The following C7 variants were observed in gnomAD, a reference collection of about 807,000 sequenced individuals.
C7 encodes the protein complement component C7.
In C7, 83 loss-of-function variants were observed where a neutral mutation model predicts 104.8. The observed-to-expected ratio is 0.79, with a 90% CI of 0.66 to 0.95. The LOEUF is 0.95. Ranked by LOEUF, C7 falls within the 40% of genes least tolerant of loss-of-function variation. C7 has a pLI of 0.00. For missense variants in C7, 1,070 were observed against 1,011.2 expected (o/e 1.06, Z -0.79); for synonymous variants, 415 against 360.6 (o/e 1.15, Z -1.71).
chr5:40,937,030 G>C (rs188920611), intron 5 of C7, among the ~76,000 whole-genome samples: 417 of 152,176 alleles, frequency 2.7e-3, no homozygotes, highest in Admixed American at 4.2e-3. Context: ...CATATGACTT[G>C]TTAAGGTTTC....
At chr5:40,951,533 G>A (rs867694156) in intron 9 of C7, among the ~76,000 whole-genome samples, 2 of 152,184 alleles carry the variant, frequency 1.3e-5, no homozygotes, top group African/African-American at 2.4e-5. Flanking sequence ...CTACCTGGGT[G>A]TTGGGATCAA....
chr5:40,919,165 C>T (rs1478314050), intron 1 of C7, among the ~76,000 whole-genome samples: 4 of 151,202 alleles, frequency 2.6e-5, no homozygotes, highest in Non-Finnish European at 5.9e-5. Context: ...GCTCTGTCAC[C>T]CAGCCTGTAG....
rs144084826 is a variant in C7, at chr5:40,962,651, C to A, written c.1749+479C>A. 4.4e-3 allele frequency among the ~76,000 whole-genome samples: 671 copies of A among 152,296 alleles called. 2 individuals carry two copies. Among genetic ancestry groups the A allele is most frequent in the Non-Finnish European group, 5.5e-3 (375 of 68,032 alleles). ...GATCATTCTACTTTGAGCAATTGAACCTTCCTGTTCAGGAAAGAAGAGTAG... is the reference window on the plus strand; with the variant it reads ...GATCATTCTACTTTGAGCAATTGAAACTTCCTGTTCAGGAAAGAAGAGTAG... On this transcript the variant is annotated intron_variant, in intron 13 of 17. Coordinates refer to ENST00000313164, the MANE Select transcript of C7 (RefSeq NM_000587.4).
chr5:40,947,552 C>T (rs1372022165), intron 7 of C7, 50 bp from the exon 8 acceptor site: 2 of 1,596,984 alleles, frequency 1.3e-6, no homozygotes, highest in Non-Finnish European at 1.7e-6. Context: ...ATTTCCATTG[C>T]CTTTTTATCT....
chr5:40,982,841 A>G lies in C7; in HGVS notation c.*1268A>G, dbSNP rs1740979935. On this transcript the variant is annotated 3_prime_UTR_variant, in exon 18 of 18. Coordinates refer to ENST00000313164, the MANE Select transcript of C7 (RefSeq NM_000587.4). Reference sequence around the variant, plus strand: ...TGAAATTTAAAATAAGCTATATTATACAAATACTATCTCTGTATTGTTCTG... The same window carrying G: ...TGAAATTTAAAATAAGCTATATTATGCAAATACTATCTCTGTATTGTTCTG... 1 of 152,376 alleles carries G rather than the reference A, an allele frequency of 6.6e-6. No individual in the cohort carries two copies. The highest frequency in any genetic ancestry group is 6.5e-5 in the Admixed American group (1 of 15,282). 9.4% of individuals were successfully genotyped at this position (152,376 alleles called of 1,614,324 possible).
In C7 at chr5:40,915,789, A is replaced by G. The variant is rs895186700; in HGVS notation, c.6+6173A>G. Among the ~76,000 whole-genome samples the G allele has an allele frequency of 9.8e-5, 15 of 152,304 alleles. 2 individuals carry two copies. In the South Asian group the frequency reaches 1.7e-3, roughly 17 times the overall value. ...AGGCTTAAACATTTTTAGAACTCTA[A>G]CAGCCAGAAGCAGGCAGGCAGAATT... On this transcript the variant is annotated intron_variant, in intron 1 of 17. Transcript: ENST00000313164.
At chr5:40,916,742 T>C (rs916743499) in intron 1 of C7, among the ~76,000 whole-genome samples, 7 of 152,286 alleles carry the variant, frequency 4.6e-5, no homozygotes, top group Admixed American at 3.9e-4. Context: ...ATCTTTGTAA[T>C]TTATTTCTTT....
rs1170638876 is a variant in C7, at chr5:40,951,142, T to C, written c.1093+1128T>C. Among the ~76,000 whole-genome samples the C allele has an allele frequency of 7.9e-5, 12 of 152,302 alleles. No individual in the cohort carries two copies. The East Asian group carries it at 2.3e-3, about 29-fold the overall frequency. ...AAGATAAGGACCAAAAAATGTTCACTGGATTTGGTGATTAAGACTTAGTTG... is the reference window on the plus strand; with the variant it reads ...AAGATAAGGACCAAAAAATGTTCACCGGATTTGGTGATTAAGACTTAGTTG... On this transcript the variant is annotated intron_variant, in intron 9 of 17. Coordinates refer to ENST00000313164, the MANE Select transcript of C7 (RefSeq NM_000587.4).
intron 1 of C7, among the ~76,000 whole-genome samples, chr5:40,914,779 A>G (rs567173692): frequency 6.6e-6 from 1 of 152,368 alleles, no homozygotes; most frequent in South Asian, 2.1e-4. Context: ...AAGATTGTGC[A>G]TCGGAGATAT....
At chr5:40,961,327 T>C (rs1740415177) in intron 12 of C7, among the ~76,000 whole-genome samples, 1 of 152,290 alleles carries the variant, frequency 6.6e-6, no homozygotes, top group Admixed American at 6.5e-5. Flanking sequence ...AAATGCTTAG[T>C]AAAAGGTAGT....
intron 1 of C7, among the ~76,000 whole-genome samples, chr5:40,918,888 C>T (rs1170211350): frequency 6.7e-6 from 1 of 148,628 alleles, no homozygotes; most frequent in African/African-American, 2.5e-5. Flanking sequence ...GAAAGATAAT[C>T]CAGAAAATTA....
At chr5:40,950,121 C>T in intron 9 of C7, 107 bp downstream of exon 9, 1 of 645,852 alleles carries the variant, frequency 1.5e-6, no homozygotes, top group Non-Finnish European at 2.7e-6. Flanking sequence ...TGTCATGGGG[C>T]TTTGTTGTAC....
chr5:40,953,525 C>T (rs1740221931), intron 9 of C7, among the ~76,000 whole-genome samples: 1 of 150,894 alleles, frequency 6.6e-6, no homozygotes, highest in South Asian at 2.1e-4. Context: ...CCTGTAGTCC[C>T]AGCTACTTGG....
intron 14 of C7, among the ~76,000 whole-genome samples, chr5:40,966,641 T>G (rs1162777419): frequency 6.6e-6 from 1 of 152,094 alleles, no homozygotes; most frequent in Non-Finnish European, 1.5e-5. Flanking sequence ...CCTCCCAAAG[T>G]GCTGGGATTA....
At chr5:40,911,340 C>G (rs1005365706) in intron 1 of C7, among the ~76,000 whole-genome samples, 2 of 152,210 alleles carry the variant, frequency 1.3e-5, no homozygotes, top group African/African-American at 4.8e-5. Flanking sequence ...ACAGCCCCCA[C>G]GTGAACTAAA....
At chr5:40,957,997 C>G in intron 10 of C7, 36 bp from the exon 11 acceptor site, 1 of 1,449,908 alleles carries the variant, frequency 6.9e-7, no homozygotes, top group Non-Finnish European at 9.4e-7. Context: ...TTGCCTAAAT[C>G]CCTGATTACT....
intron 5 of C7, chr5:40,937,125 A>C (rs1739833521): frequency 6.5e-6 from 1 of 152,962 alleles, no homozygotes; most frequent in Non-Finnish European, 1.5e-5. Flanking sequence ...AATAGGGTAA[A>C]ATTATTTGAA....
intron 5 of C7, 23 bp from the exon 6 acceptor site, chr5:40,937,529 T>TCTC (rs759384138): frequency 3.8e-6 from 6 of 1,569,154 alleles, no homozygotes; most frequent in Non-Finnish European, 5.2e-6. Flanking sequence ...ATTTCCTCCT[T>TCTC]CTCCTCCTCC....
chr5:40,949,130 AC>A (rs1293793190), intron 8 of C7, among the ~76,000 whole-genome samples: 3 of 152,236 alleles, frequency 2.0e-5, no homozygotes, highest in East Asian at 1.9e-4. Context: ...GATTAAAAAA[AC>A]ATTCCAAGCT....
Sources: gnomAD v4.1 joint callset for allele counts (sites outside exome capture counted in the v4.1 genomes callset) on GRCh38, gnomAD v4.1.1 for gene constraint, MANE v1.5 for transcripts, NCBI Gene and HGNC (gene_info 2026-07-23, HGNC 2026-07-21) for gene names.